Variants in HS6ST3 observed in about 807,000 individuals in gnomAD.
The protein encoded by HS6ST3 is heparan-sulfate 6-O-sulfotransferase 3.
Under a neutral mutation model 36.7 loss-of-function variants are expected in HS6ST3, and 12 were observed. The ratio of observed to expected loss-of-function variants is 0.33; its 90% CI spans 0.21 to 0.53. The LOEUF (loss-of-function observed/expected upper bound fraction) is 0.53. Among genes scored for constraint, HS6ST3 ranks in the 20% least tolerant of loss-of-function variants. The probability of loss-of-function intolerance (pLI) is 0.95; values close to 1 mark genes in which losing one functional copy is unlikely to be tolerated. For missense variants in HS6ST3, 584 were observed against 640.9 expected (o/e 0.91, Z 0.96); for synonymous variants, 240 against 257.5 (o/e 0.93, Z 0.65).
chr13:96,794,413 T>C (rs899256388), intron 1 of HS6ST3, among the ~76,000 whole-genome samples: 1 of 152,090 alleles, frequency 6.6e-6, no homozygotes. Flanking sequence ...CTTTAAAAAA[T>C]AGACATATGT....
Position 96,654,648 on chromosome 13 carries a change from C to T in HS6ST3, c.708-177842C>T, listed in dbSNP as rs187649295. ...AGTTTGAAGTCAGGTAGCGTGATGC[C>T]TCCAGCTTTGTTCTTGTGTTTGATT... is the stretch of plus-strand genomic sequence containing the variant. On this transcript the variant is annotated intron_variant, in intron 1 of 1. Coordinates refer to ENST00000376705, the MANE Select transcript of HS6ST3 (RefSeq NM_153456.4). Among the ~76,000 whole-genome samples, 13 of 152,232 alleles carry T rather than the reference C, an allele frequency of 8.5e-5. No individual in the cohort carries two copies. In the East Asian group the frequency reaches 2.5e-3, roughly 29 times the overall value.
At chr13:96,637,657 T>G (rs2056554488) in intron 1 of HS6ST3, among the ~76,000 whole-genome samples, 1 of 152,122 alleles carries the variant, frequency 6.6e-6, no homozygotes, top group Non-Finnish European at 1.5e-5. Flanking sequence ...AAATATTTAC[T>G]GAATACTCTC....
At chr13:96,373,512 A>T (rs1380218664) in intron 1 of HS6ST3, among the ~76,000 whole-genome samples, 1 of 152,168 alleles carries the variant, frequency 6.6e-6, no homozygotes, top group Non-Finnish European at 1.5e-5. Context: ...TGTGATTGTT[A>T]CTTAAATAAT....
intron 1 of HS6ST3, among the ~76,000 whole-genome samples, chr13:96,331,056 G>C (rs1460293477): frequency 6.6e-6 from 1 of 152,026 alleles, no homozygotes; most frequent in Non-Finnish European, 1.5e-5. Flanking sequence ...GCACTTCTCT[G>C]TATTGGTTAT....
chr13:96,177,955 G>GT (rs2054220465), intron 1 of HS6ST3, among the ~76,000 whole-genome samples: 1 of 152,126 alleles, frequency 6.6e-6, no homozygotes, highest in South Asian at 2.1e-4. Flanking sequence ...TCAACACTGA[G>GT]TGATGATATC....
At chr13:96,526,285 A>G (rs1052849096) in intron 1 of HS6ST3, among the ~76,000 whole-genome samples, 1 of 152,202 alleles carries the variant, frequency 6.6e-6, no homozygotes, top group African/African-American at 2.4e-5. Context: ...TACCCCAAGG[A>G]TGAGGTGAAC....
rs548741311 is a variant in HS6ST3, at chr13:96,133,543, C to T, written c.707+41974C>T. Among the ~76,000 whole-genome samples the T allele has an allele frequency of 3.9e-5, 6 of 152,200 alleles. 1 individual carries two copies. The highest frequency in any genetic ancestry group is 1.2e-4 in the African/African-American group (5 of 41,514). ...GTTCAAAGGATTCTCCTGCCACAGCCGCCAGAGTAGGTGGGACTACAGGTG... is the reference window on the plus strand; with the variant it reads ...GTTCAAAGGATTCTCCTGCCACAGCTGCCAGAGTAGGTGGGACTACAGGTG... On this transcript the variant is annotated intron_variant, in intron 1 of 1. Coordinates refer to ENST00000376705, the MANE Select transcript of HS6ST3 (RefSeq NM_153456.4).
At chr13:96,760,670 A>G in intron 1 of HS6ST3, among the ~76,000 whole-genome samples, 1 of 152,218 alleles carries the variant, frequency 6.6e-6, no homozygotes, top group South Asian at 2.1e-4. Context: ...TTACATCATT[A>G]AATCATGTAT....
At position 96,619,926 on chromosome 13, in the gene HS6ST3, C is replaced by G. The variant is rs1416478707; in HGVS notation, c.708-212564C>G. Among the ~76,000 whole-genome samples, 5 of 152,134 alleles carry G rather than the reference C, an allele frequency of 3.3e-5. No individual in the cohort carries two copies. The East Asian group carries it at 9.6e-4, about 29-fold the overall frequency. On this transcript the variant is annotated intron_variant, in intron 1 of 1. Transcript: ENST00000376705. ...AACAATGAAACTTTGGGGCTTGGAA[C>G]AGTTTAAGATTTCCTGTCTGTGAAA... is the stretch of plus-strand genomic sequence containing the variant.
chr13:96,588,982 C>T (rs982443649), intron 1 of HS6ST3, among the ~76,000 whole-genome samples: 2 of 139,950 alleles, frequency 1.4e-5, no homozygotes, highest in South Asian at 2.4e-4. Flanking sequence ...ATCTGGGAGG[C>T]GGAGGTTGCA....
chr13:96,453,084 C>T (rs1436602629), intron 1 of HS6ST3, among the ~76,000 whole-genome samples: 7 of 150,662 alleles, frequency 4.6e-5, no homozygotes, highest in Admixed American at 3.3e-4. Context: ...ATTTGTGACA[C>T]AGCTAAGGAT....
intron 1 of HS6ST3, among the ~76,000 whole-genome samples, chr13:96,510,389 C>T (rs1566382017): frequency 6.6e-6 from 1 of 152,080 alleles, no homozygotes; most frequent in African/African-American, 2.4e-5. Flanking sequence ...ATTGCTCTGG[C>T]TAGGACTTCC....
intron 1 of HS6ST3, among the ~76,000 whole-genome samples, chr13:96,426,567 C>T (rs2055588276): frequency 6.6e-6 from 1 of 152,116 alleles, no homozygotes; most frequent in Non-Finnish European, 1.5e-5. Flanking sequence ...TTCCCTTTGC[C>T]ATTTTAAAGG....
chr13:96,125,283 A>G (rs1312078470), intron 1 of HS6ST3, among the ~76,000 whole-genome samples: 1 of 152,200 alleles, frequency 6.6e-6, no homozygotes, highest in Non-Finnish European at 1.5e-5. Flanking sequence ...ATTTACTTCC[A>G]AGTTTCCTGG....
chr13:96,281,688 C>A (rs2054776773), intron 1 of HS6ST3, among the ~76,000 whole-genome samples: 2 of 152,100 alleles, frequency 1.3e-5, no homozygotes, highest in Non-Finnish European at 2.9e-5. Context: ...CGTTCTGGTT[C>A]TAGTACTAAT....
chr13:96,292,418 G>A (rs2054834644), intron 1 of HS6ST3, among the ~76,000 whole-genome samples: 1 of 151,990 alleles, frequency 6.6e-6, no homozygotes, highest in Non-Finnish European at 1.5e-5. Flanking sequence ...ATTTGAGGGG[G>A]TGTGTCTGTT....
intron 1 of HS6ST3, among the ~76,000 whole-genome samples, chr13:96,504,654 G>T (rs1465975527): frequency 6.6e-6 from 1 of 152,172 alleles, no homozygotes; most frequent in Non-Finnish European, 1.5e-5. Context: ...AGTGACATTT[G>T]GTGGCATCCT....
At chr13:96,755,740 A>C (rs1391979169) in intron 1 of HS6ST3, among the ~76,000 whole-genome samples, 1 of 152,140 alleles carries the variant, frequency 6.6e-6, no homozygotes, top group Non-Finnish European at 1.5e-5. Flanking sequence ...CCATTTTCCT[A>C]CTAATAGACT....
chr13:96,228,584 T>C (rs1433947337), intron 1 of HS6ST3, among the ~76,000 whole-genome samples: 1 of 152,160 alleles, frequency 6.6e-6, no homozygotes, highest in Non-Finnish European at 1.5e-5. Context: ...ATATTCTTTA[T>C]TTTTTTATGC....
Sources: allele counts gnomAD v4.1 joint callset (sites outside exome capture counted in the v4.1 genomes callset), GRCh38; gene constraint gnomAD v4.1.1; transcripts MANE v1.5; gene names NCBI Gene and HGNC (gene_info 2026-07-23, HGNC 2026-07-21).